PLPP4: variants seen among roughly 807,000 people sequenced by gnomAD.
The protein encoded by PLPP4 is diacylglycerol pyrophosphate like 2.
PLPP4 carries 20 observed loss-of-function variants against 32.2 expected under a neutral mutation model. That is an observed-to-expected ratio of 0.62 (90% CI 0.44 to 0.90). PLPP4 has a LOEUF of 0.90. Among genes scored for constraint, PLPP4 ranks in the 40% least tolerant of loss-of-function variants. The pLI is 0.00. For synonymous variants in PLPP4, 127 were observed against 133.0 expected (o/e 0.95, Z 0.31); for missense variants, 257 against 353.1 (o/e 0.73, Z 2.18).
intron 5 of PLPP4, among the ~76,000 whole-genome samples, chr10:120,555,643 G>A (rs752101725): frequency 6.6e-6 from 1 of 152,216 alleles, no homozygotes; most frequent in African/African-American, 2.4e-5. Flanking sequence ...GACAGAAAGA[G>A]CACGGGTCTG....
intron 6 of PLPP4, among the ~76,000 whole-genome samples, chr10:120,583,384 C>T (rs922779879): frequency 1.3e-5 from 2 of 152,062 alleles, no homozygotes; most frequent in African/African-American, 4.8e-5. Context: ...TCACTCTTTC[C>T]ACTACCATTG....
At chr10:120,577,559 A>C (rs1042153454) in intron 6 of PLPP4, among the ~76,000 whole-genome samples, 2 of 152,198 alleles carry the variant, frequency 1.3e-5, no homozygotes, top group African/African-American at 2.4e-5. Context: ...CACAGAAAGG[A>C]ACTATGAGCA....
intron 2 of PLPP4, among the ~76,000 whole-genome samples, chr10:120,508,153 T>C (rs1437324701): frequency 6.6e-6 from 1 of 152,124 alleles, no homozygotes; most frequent in African/African-American, 2.4e-5. Context: ...ATAGGATGCT[T>C]CTAAGGAAGG....
rs1188296454 is a variant in PLPP4 at position 120,468,396 on chromosome 10, T to C, written c.56+11035T>C. Among the ~76,000 whole-genome samples, 2 of 65,502 alleles carry C rather than the reference T, an allele frequency of 3.1e-5. 1 individual carries two copies. The highest frequency in any genetic ancestry group is 6.5e-5 in the African/African-American group (2 of 30,770). 43.0% of individuals were successfully genotyped at this position (65,502 alleles called of 152,430 possible). ...TTACTTGAGAAGACATTTATAACAA[T>C]TGTTAAGTGATAAAAGCAGATTAGA... On this transcript the variant is annotated intron_variant, in intron 1 of 6. Transcript: ENST00000398250.
intron 5 of PLPP4, among the ~76,000 whole-genome samples, chr10:120,522,661 A>T (rs1190000577): frequency 6.6e-6 from 1 of 152,218 alleles, no homozygotes; most frequent in Non-Finnish European, 1.5e-5. Context: ...TTTAAGTCCC[A>T]GCCCCTGGAA....
At chr10:120,550,232 TAAAC>T (rs1173888093) in intron 5 of PLPP4, among the ~76,000 whole-genome samples, 1 of 151,856 alleles carries the variant, frequency 6.6e-6, no homozygotes, top group Non-Finnish European at 1.5e-5. Flanking sequence ...TAGGAATTAA[TAAAC>T]AAAAACTGTG....
chr10:120,574,579 T>C (rs959146022), intron 5 of PLPP4, among the ~76,000 whole-genome samples: 4 of 152,328 alleles, frequency 2.6e-5, no homozygotes, highest in African/African-American at 9.6e-5. Flanking sequence ...TTGTAGCATT[T>C]GCTGGTCCCA....
chr10:120,544,930 T>C (rs11199389), intron 5 of PLPP4, among the ~76,000 whole-genome samples: 8,015 of 152,318 alleles, frequency 0.053, 309 homozygotes, highest in South Asian at 0.2. Context: ...GGGAAGTCTA[T>C]GCCAGAAGAA....
At chr10:120,539,192 G>A (rs1297009508) in intron 5 of PLPP4, among the ~76,000 whole-genome samples, 1 of 152,186 alleles carries the variant, frequency 6.6e-6, no homozygotes, top group Non-Finnish European at 1.5e-5. Flanking sequence ...TGCTGCCTGT[G>A]CTTGTGGGGA....
At chr10:120,461,677 G>A (rs981112868) in intron 1 of PLPP4, among the ~76,000 whole-genome samples, 38 of 152,166 alleles carry the variant, frequency 2.5e-4, no homozygotes, top group Admixed American at 2.5e-3. Context: ...GTGGCCCCCA[G>A]TACCTTACAG....
chr10:120,558,616 A>G (rs910693579), intron 5 of PLPP4, among the ~76,000 whole-genome samples: 2 of 151,960 alleles, frequency 1.3e-5, no homozygotes, highest in East Asian at 1.9e-4. Context: ...AGGTTGCACC[A>G]TGTTGGCCAG....
At chr10:120,538,490 C>T (rs1261076009) in intron 5 of PLPP4, among the ~76,000 whole-genome samples, 3 of 152,080 alleles carry the variant, frequency 2.0e-5, no homozygotes, top group South Asian at 4.2e-4. Flanking sequence ...GAGATATAGA[C>T]ATAGAAAAGG....
At chr10:120,567,750 C>T (rs1431219743) in intron 5 of PLPP4, among the ~76,000 whole-genome samples, 1 of 152,154 alleles carries the variant, frequency 6.6e-6, no homozygotes, top group Non-Finnish European at 1.5e-5. Flanking sequence ...ATGAAAAATG[C>T]AACTTATTTG....
chr10:120,563,782 G>A (rs1056443486), intron 5 of PLPP4, among the ~76,000 whole-genome samples: 1 of 90,860 alleles, frequency 1.1e-5, no homozygotes, highest in Non-Finnish European at 2.4e-5. Flanking sequence ...AGTCCGGCCT[G>A]GGCGACAGAG....
At chr10:120,473,048 C>T (rs958098161) in intron 1 of PLPP4, among the ~76,000 whole-genome samples, 2 of 152,142 alleles carry the variant, frequency 1.3e-5, no homozygotes, top group African/African-American at 4.8e-5. Flanking sequence ...TGGAAAATCC[C>T]TTTCCACCAA....
At chr10:120,500,462 G>A (rs941396993) in intron 1 of PLPP4, among the ~76,000 whole-genome samples, 2 of 152,130 alleles carry the variant, frequency 1.3e-5, no homozygotes, top group Non-Finnish European at 2.9e-5. Flanking sequence ...CCACTACCCA[G>A]TCAATGGGTG....
rs150445456 is a variant in PLPP4, at chr10:120,529,612, T to C, written c.445+8517T>C. On this transcript the variant is annotated intron_variant, in intron 5 of 6. Transcript: ENST00000398250. Reference sequence around the variant, plus strand: ...CTGTAATCTCAGTGCCATGGGAGGCTGAGGTAGGAGGACCACTTTAGGCCA... The same window carrying C: ...CTGTAATCTCAGTGCCATGGGAGGCCGAGGTAGGAGGACCACTTTAGGCCA... 2.7e-3 allele frequency among the ~76,000 whole-genome samples: 410 copies of C among 152,236 alleles called. 4 individuals are homozygous for C. Among genetic ancestry groups the C allele is most frequent in the Admixed American group, 7.1e-3 (109 of 15,294 alleles).
At chr10:120,582,574 G>C (rs2134075930) in intron 6 of PLPP4, among the ~76,000 whole-genome samples, 1 of 152,164 alleles carries the variant, frequency 6.6e-6, no homozygotes, top group East Asian at 1.9e-4. Flanking sequence ...CTTTCAAAAG[G>C]ACACAATTAA....
chr10:120,556,696 C>T (rs1433644652), intron 5 of PLPP4, among the ~76,000 whole-genome samples: 1 of 152,124 alleles, frequency 6.6e-6, no homozygotes, highest in Non-Finnish European at 1.5e-5. Context: ...CTTAGGAAAA[C>T]CCTATAAGAT....
Sources: gnomAD v4.1 joint callset for allele counts (sites outside exome capture counted in the v4.1 genomes callset) on GRCh38, gnomAD v4.1.1 for gene constraint, MANE v1.5 for transcripts, NCBI Gene and HGNC (gene_info 2026-07-23, HGNC 2026-07-21) for gene names.